Variants in NR2C2 observed in about 807,000 individuals in gnomAD.
NR2C2 encodes nuclear receptor subfamily 2 group C member 2, also known as Nuclear hormone receptor TR4.
In NR2C2, 6 loss-of-function variants were observed where a neutral mutation model predicts 62.9. That is an observed-to-expected ratio of 0.10 (90% CI 0.05 to 0.19). NR2C2 has a LOEUF of 0.19. NR2C2 is among the 10% of genes least tolerant of loss of function. NR2C2 has a pLI of 1.00. For missense variants in NR2C2, 479 were observed against 762.7 expected, an observed-to-expected ratio of 0.63 and a Z score of 4.38; for synonymous variants, 272 against 273.8, an observed-to-expected ratio of 0.99 and a Z score of 0.07.
chr3:14,990,312 A>T (rs2040633930), intron 1 of NR2C2, among the ~76,000 whole-genome samples: 1 of 152,168 alleles, frequency 6.6e-6, no homozygotes, highest in Non-Finnish European at 1.5e-5. Flanking sequence ...GGAGGGAGAG[A>T]GAGTTTAACA....
intron 7 of NR2C2, among the ~76,000 whole-genome samples, chr3:15,024,463 G>A (rs189921815): frequency 1.3e-5 from 2 of 152,156 alleles, no homozygotes; most frequent in Non-Finnish European, 2.9e-5. Flanking sequence ...GACATTCAGT[G>A]GTTCTCTTTT....
At chr3:14,976,866 A>G (rs2040221751) in intron 1 of NR2C2, among the ~76,000 whole-genome samples, 1 of 151,976 alleles carries the variant, frequency 6.6e-6, no homozygotes. Flanking sequence ...TTCCTTATCT[A>G]CATGGGTGAC....
At chr3:15,036,631 C>G (rs886147104) in intron 11 of NR2C2, among the ~76,000 whole-genome samples, 4 of 152,134 alleles carry the variant, frequency 2.6e-5, no homozygotes, top group Admixed American at 1.3e-4. Flanking sequence ...CTGGGACTTA[C>G]AGGCATGTGC....
chr3:14,967,491 A>G (rs2039891576), intron 1 of NR2C2, among the ~76,000 whole-genome samples: 1 of 152,152 alleles, frequency 6.6e-6, no homozygotes, highest in Non-Finnish European at 1.5e-5. Context: ...AATGTCAGCC[A>G]AATGTCCATT....
intron 1 of NR2C2, among the ~76,000 whole-genome samples, chr3:14,987,113 C>T (rs1179415427): frequency 1.3e-5 from 2 of 152,154 alleles, no homozygotes; most frequent in Non-Finnish European, 2.9e-5. Flanking sequence ...GGCAGATTCT[C>T]ACTCTGCCAC....
intron 1 of NR2C2, among the ~76,000 whole-genome samples, chr3:14,957,505 GA>G (rs1418437580): frequency 1.3e-5 from 2 of 152,186 alleles, no homozygotes; most frequent in Non-Finnish European, 2.9e-5. Flanking sequence ...ACTTGGATTT[GA>G]AAGAATTTCT....
At position 15,045,793 on chromosome 3, in the gene NR2C2, C is replaced by T. The variant is rs530412583; in HGVS notation, c.*2785C>T. The T allele has an allele frequency of 5.9e-5, 9 of 152,680 alleles. No homozygotes were observed. Among genetic ancestry groups the T allele is most frequent in the Non-Finnish European group, 1.2e-4 (8 of 68,038 alleles). 9.5% of individuals were successfully genotyped at this position (152,680 alleles called of 1,614,324 possible). A position where few individuals can be genotyped will look rare whatever the true frequency, so the allele number is the denominator to read the frequency against. ...TTGGGTTTCATGAAGTGAGACCTGT[C>T]CTCTGGCTACTGAACTCCATGGAGC... On this transcript the variant is annotated 3_prime_UTR_variant, in exon 14 of 14. Coordinates refer to ENST00000425241, the MANE Select transcript of NR2C2 (RefSeq NM_001291694.2).
chr3:15,021,265 C>T (rs1252536788), intron 5 of NR2C2, among the ~76,000 whole-genome samples: 5 of 152,188 alleles, frequency 3.3e-5, no homozygotes, highest in Non-Finnish European at 7.3e-5. Flanking sequence ...CCTGAGGATA[C>T]ACGTAGCCTC....
chr3:14,996,756 G>C (rs2040843407), intron 1 of NR2C2, among the ~76,000 whole-genome samples: 1 of 152,232 alleles, frequency 6.6e-6, no homozygotes, highest in East Asian at 1.9e-4. Context: ...TAGAGACAGG[G>C]TTTCACCGTG....
chr3:14,994,547 A>C (rs186657560), intron 1 of NR2C2, among the ~76,000 whole-genome samples: 1 of 142,502 alleles, frequency 7.0e-6, no homozygotes, highest in Non-Finnish European at 1.5e-5. Flanking sequence ...GGTTTAAGCG[A>C]TTCTTCTGCC....
chr3:15,028,977 T>C (rs553012303), intron 8 of NR2C2, among the ~76,000 whole-genome samples: 3 of 152,184 alleles, frequency 2.0e-5, no homozygotes, highest in African/African-American at 7.2e-5. Context: ...TCAGTAGACA[T>C]AGGAGGAAAA....
intron 6 of NR2C2, 100 bp from the exon 7 acceptor site, chr3:15,024,015 C>G (rs982399548): frequency 1.2e-6 from 1 of 843,804 alleles, no homozygotes. Flanking sequence ...TTCTACTATT[C>G]AGACAGCTTC....
At chr3:14,979,749 G>A (rs2040310617) in intron 1 of NR2C2, among the ~76,000 whole-genome samples, 1 of 152,096 alleles carries the variant, frequency 6.6e-6, no homozygotes, top group Non-Finnish European at 1.5e-5. Flanking sequence ...GGGAGGGAGG[G>A]AGGAAGAAGG....
intron 7 of NR2C2, among the ~76,000 whole-genome samples, 153 bp from the exon 8 acceptor site, chr3:15,028,432 TA>T (rs1167155922): frequency 2.0e-5 from 3 of 152,238 alleles, no homozygotes; most frequent in African/African-American, 7.2e-5. Flanking sequence ...ACAGAACTGT[TA>T]AATCACTAAA....
chr3:15,042,382 C>T (rs758770113), intron 13 of NR2C2: 1 of 153,004 alleles, frequency 6.5e-6, no homozygotes, highest in Admixed American at 6.5e-5. Context: ...TTTCCCAATA[C>T]TTTATATACA....
intron 1 of NR2C2, among the ~76,000 whole-genome samples, chr3:14,990,886 C>G (rs2040651555): frequency 6.6e-6 from 1 of 152,188 alleles, no homozygotes; most frequent in Non-Finnish European, 1.5e-5. Flanking sequence ...ATGCTAAGCT[C>G]TTAGCAAATC....
intron 1 of NR2C2, among the ~76,000 whole-genome samples, chr3:14,994,042 A>G (rs1209912422): frequency 6.6e-6 from 1 of 152,180 alleles, no homozygotes; most frequent in Non-Finnish European, 1.5e-5. Flanking sequence ...CCAACATGGC[A>G]CAGAGTAAGT....
At chr3:15,009,803 GC>G (rs1226302094) in intron 2 of NR2C2, among the ~76,000 whole-genome samples, 2 of 152,192 alleles carry the variant, frequency 1.3e-5, no homozygotes, top group Admixed American at 1.3e-4. Flanking sequence ...CAAGGTGTCA[GC>G]AGGGCCATGC....
chr3:14,960,099 T>C (rs2039649876), intron 1 of NR2C2, among the ~76,000 whole-genome samples: 1 of 152,146 alleles, frequency 6.6e-6, no homozygotes, highest in South Asian at 2.1e-4. Flanking sequence ...CTGGAACATT[T>C]CTAAGAAAAT....
Sources: allele counts gnomAD v4.1 joint callset (sites outside exome capture counted in the v4.1 genomes callset), GRCh38; gene constraint gnomAD v4.1.1; transcripts MANE v1.5; gene names NCBI Gene and HGNC (gene_info 2026-07-23, HGNC 2026-07-21).